TRMT11: variants seen among roughly 807,000 people sequenced by gnomAD.
TRMT11 encodes tRNA (guanine(10)-N(2))-methyltransferase TRMT11.
TRMT11 carries 53 observed loss-of-function variants against 62.8 expected under a neutral mutation model. The observed-to-expected ratio is 0.84, with a 90% CI of 0.68 to 1.06. The LOEUF (loss-of-function observed/expected upper bound fraction) is 1.06, where lower values mean the gene tolerates loss of function less well. TRMT11 is among the 50% of genes least tolerant of loss of function. TRMT11 has a pLI of 0.00. For missense variants in TRMT11, 556 were observed against 553.4 expected, an observed-to-expected ratio of 1.00 and a Z score of -0.05; for synonymous variants, 188 against 190.3, an observed-to-expected ratio of 0.99 and a Z score of 0.10.
At chr6:126,251,722 A>G in the TRMT11 span, among the ~76,000 whole-genome samples, 3 of 152,314 alleles carry the variant, frequency 2.0e-5, no homozygotes, top group African/African-American at 7.2e-5. Flanking sequence ...GCAGTCAGAT[A>G]CCCACTTGTG....
chr6:126,163,765 G>A (rs144235131), intron 21 of TRMT11, among the ~76,000 whole-genome samples: 1 of 151,636 alleles, frequency 6.6e-6, no homozygotes, highest in Non-Finnish European at 1.5e-5. Flanking sequence ...ATGCATAGAG[G>A]TGTTTATAGT....
At chr6:126,018,980 G>C (rs1210956657) in intron 11 of TRMT11, among the ~76,000 whole-genome samples, 4 of 151,926 alleles carry the variant, frequency 2.6e-5, no homozygotes, top group Admixed American at 2.6e-4. Context: ...TCCCAGGTTT[G>C]AGCGATTCTC....
intron 1 of TRMT11, chr6:125,986,972 G>C: frequency 3.7e-6 from 1 of 273,416 alleles, no homozygotes; most frequent in Non-Finnish European, 6.9e-6. Flanking sequence ...TTGAAGTATT[G>C]GAATCTGCGG....
the TRMT11 span, among the ~76,000 whole-genome samples, chr6:126,262,913 A>G: frequency 6.6e-6 from 1 of 150,844 alleles, no homozygotes; most frequent in Non-Finnish European, 1.5e-5. Flanking sequence ...CCTAAGTCTC[A>G]CTAGTCAAAA....
chr6:126,153,633 G>T (rs916652246), intron 21 of TRMT11, among the ~76,000 whole-genome samples: 2 of 152,054 alleles, frequency 1.3e-5, no homozygotes, highest in Non-Finnish European at 2.9e-5. Flanking sequence ...TATTTAGCTG[G>T]GTTAATCTCT....
chr6:126,013,191 G>A (rs1794495110), intron 11 of TRMT11, 90 bp downstream of exon 11: 1 of 1,173,860 alleles, frequency 8.5e-7, no homozygotes, highest in South Asian at 1.6e-5. Flanking sequence ...TCTTGCATTT[G>A]GTGCATCTTT....
chr6:126,168,526 T>C (rs946643023), intron 21 of TRMT11, among the ~76,000 whole-genome samples: 19 of 152,144 alleles, frequency 1.2e-4, no homozygotes, highest in Non-Finnish European at 2.6e-4. Context: ...GAGGTCTTAT[T>C]TTATTTTTCC....
chr6:126,180,493 C>T (rs1778446119), intron 1 of TRMT11, among the ~76,000 whole-genome samples: 1 of 152,080 alleles, frequency 6.6e-6, no homozygotes, highest in Non-Finnish European at 1.5e-5. Flanking sequence ...AAAATTTATG[C>T]AGGGAAAATT....
downstream of TRMT11, among the ~76,000 whole-genome samples, chr6:126,039,948 C>A (rs1466893632): frequency 6.6e-6 from 1 of 152,014 alleles, no homozygotes; most frequent in Non-Finnish European, 1.5e-5. Flanking sequence ...TCTTGTCTTG[C>A]AGTTCAGGAT....
At chr6:125,992,607 A>T (rs1363304742) in intron 1 of TRMT11, among the ~76,000 whole-genome samples, 1 of 152,174 alleles carries the variant, frequency 6.6e-6, no homozygotes, top group Non-Finnish European at 1.5e-5. Context: ...CTGATGAGGT[A>T]GCTATGATTC....
chr6:126,163,134 G>C (rs1447971860), intron 21 of TRMT11, among the ~76,000 whole-genome samples: 1 of 152,138 alleles, frequency 6.6e-6, no homozygotes, highest in Non-Finnish European at 1.5e-5. Flanking sequence ...CTTGCCTTGT[G>C]CTGGTTTTCA....
At chr6:126,194,145 G>A (rs1226279541) in intron 1 of TRMT11, among the ~76,000 whole-genome samples, 2 of 152,156 alleles carry the variant, frequency 1.3e-5, no homozygotes, top group Non-Finnish European at 2.9e-5. Context: ...GAAGTGGTCT[G>A]TAAATGTATG....
At chr6:126,013,488 T>C (rs571956335) in intron 11 of TRMT11, among the ~76,000 whole-genome samples, 2 of 152,326 alleles carry the variant, frequency 1.3e-5, no homozygotes, top group South Asian at 4.1e-4. Context: ...TTTAAACTTC[T>C]AGGCTCAAGC....
intron 21 of TRMT11, among the ~76,000 whole-genome samples, chr6:126,169,601 T>G (rs1321244930): frequency 6.6e-6 from 1 of 152,198 alleles, no homozygotes; most frequent in Non-Finnish European, 1.5e-5. Flanking sequence ...TCTCATGCTG[T>G]GGTAAAATAT....
At chr6:126,157,530 T>C (rs907480551) in intron 21 of TRMT11, among the ~76,000 whole-genome samples, 6 of 152,200 alleles carry the variant, frequency 3.9e-5, no homozygotes, top group African/African-American at 1.4e-4. Flanking sequence ...GCTCTTTTCC[T>C]GAGTCAATGA....
intron 11 of TRMT11, among the ~76,000 whole-genome samples, chr6:126,016,310 G>A (rs368948497): frequency 3.9e-5 from 6 of 152,250 alleles, no homozygotes; most frequent in African/African-American, 1.4e-4. Context: ...TTTATTAGTA[G>A]CAGTATTTTG....
chr6:126,093,610 T>TATATATATAC (rs1777302544), intron 17 of TRMT11, among the ~76,000 whole-genome samples: 1 of 95,320 alleles, frequency 1.0e-5, no homozygotes, highest in Non-Finnish European at 2.0e-5. Context: ...TATATATATA[T>TATATATATAC]ATATATATAT....
chr6:126,044,538 C>T (rs2128097103), intron 16 of TRMT11, among the ~76,000 whole-genome samples: 1 of 152,266 alleles, frequency 6.6e-6, no homozygotes, highest in South Asian at 2.1e-4. Flanking sequence ...CTCCATAGAT[C>T]TCTTGCATTT....
the TRMT11 span, among the ~76,000 whole-genome samples, chr6:126,247,465 CTAT>C: frequency 6.9e-6 from 1 of 145,040 alleles, no homozygotes; most frequent in Non-Finnish European, 1.5e-5. Context: ...ATCTATCTAT[CTAT>C]CTATCTATCT....
Sources: gnomAD v4.1 joint callset for allele counts (sites outside exome capture counted in the v4.1 genomes callset) on GRCh38, gnomAD v4.1.1 for gene constraint, MANE v1.5 for transcripts, NCBI Gene and HGNC (gene_info 2026-07-23, HGNC 2026-07-21) for gene names.